Variants in TMEM132D observed in about 807,000 individuals in gnomAD.
TMEM132D encodes the protein transmembrane protein 132D.
A neutral mutation model predicts 62.3 loss-of-function variants in TMEM132D; 21 were observed. The ratio of observed to expected loss-of-function variants is 0.34; its 90% CI spans 0.24 to 0.49. TMEM132D has a LOEUF of 0.49. TMEM132D is among the 20% of genes least tolerant of loss of function. The pLI is 0.99. For synonymous variants in TMEM132D, 621 were observed against 575.6 expected, an observed-to-expected ratio of 1.08 and a Z score of -1.13; for missense variants, 1,346 against 1,402.8, an observed-to-expected ratio of 0.96 and a Z score of 0.65.
At position 129,121,083 on chromosome 12, in the gene TMEM132D, T is replaced by C. The variant is rs377530484; in HGVS notation, c.1444-36381A>G. Among the ~76,000 whole-genome samples, 353 of 151,444 alleles carry C rather than the reference T, an allele frequency of 2.3e-3. 2 individuals carry two copies. Among genetic ancestry groups the C allele is most frequent in the Non-Finnish European group, 3.4e-3 (229 of 67,784 alleles). ...GTTTACTAATCAGCTGATTTTATTT[T>C]ATTATTTTATTTTATTTATTTGTTT... On this transcript the variant is annotated intron_variant, in intron 5 of 8. Transcript: ENST00000422113.
chr12:129,496,980 G>A (rs192500396), intron 3 of TMEM132D, among the ~76,000 whole-genome samples: 1 of 152,316 alleles, frequency 6.6e-6, no homozygotes, highest in African/African-American at 2.4e-5. Context: ...AGGGCTGGAT[G>A]GGCTTGGGTT....
chr12:129,430,400 C>A (rs895449782), intron 3 of TMEM132D, among the ~76,000 whole-genome samples: 1 of 152,180 alleles, frequency 6.6e-6, no homozygotes, highest in African/African-American at 2.4e-5. Flanking sequence ...AGTGTCTGTT[C>A]ATATCCTTCG....
intron 3 of TMEM132D, among the ~76,000 whole-genome samples, chr12:129,370,189 C>T (rs1870550213): frequency 6.6e-6 from 1 of 152,204 alleles, no homozygotes; most frequent in Non-Finnish European, 1.5e-5. Flanking sequence ...ACCATGCAGG[C>T]CAAACAAACA....
rs1305354488 is a variant in TMEM132D, at chr12:129,244,410, C to CAAAAAAA, written c.1300-34748_1300-34747insTTTTTTT. On this transcript the variant is annotated intron_variant, in intron 4 of 8. Transcript: ENST00000422113. ...CAAAAAAAAAAAAAAAAAAAAAAAA[C>CAAAAAAA]AAACAAAAAGGAACAAGGTCTCTTA... Among the ~76,000 whole-genome samples the CAAAAAAA allele has an allele frequency of 8.2e-5, 10 of 122,326 alleles. No individual in the cohort carries two copies. In the East Asian group the frequency reaches 1.8e-3, roughly 22 times the overall value. 80.3% of individuals were successfully genotyped at this position (122,326 alleles called of 152,430 possible).
At chr12:129,319,026 C>T (rs987236290) in intron 4 of TMEM132D, among the ~76,000 whole-genome samples, 21 of 152,170 alleles carry the variant, frequency 1.4e-4, no homozygotes, top group African/African-American at 4.8e-4. Context: ...TGAAAACTTG[C>T]CCTGGGCTAC....
At chr12:129,672,058 G>C (rs751006645) in intron 2 of TMEM132D, among the ~76,000 whole-genome samples, 1 of 152,166 alleles carries the variant, frequency 6.6e-6, no homozygotes, top group Non-Finnish European at 1.5e-5. Flanking sequence ...TGCAAATAAG[G>C]TGGACAGTGG....
At chr12:129,424,737 T>C (rs74741861) in intron 3 of TMEM132D, among the ~76,000 whole-genome samples, 2 of 137,884 alleles carry the variant, frequency 1.5e-5, no homozygotes, top group African/African-American at 5.2e-5. Context: ...AAAAAAGACA[T>C]CTCAACACAC....
In TMEM132D at chr12:129,495,611, C is replaced by T. The variant is rs114041035; in HGVS notation, c.1115+35448G>A. Among the ~76,000 whole-genome samples the T allele has an allele frequency of 1.2e-3, 178 of 152,240 alleles. 2 individuals carry two copies. The highest frequency in any genetic ancestry group is 4.1e-3 in the African/African-American group (171 of 41,546). ...TGAGTGAGCTGACAGAAGGTGACCCCGAGTCACGTCCCTTTCTCCCTGAGC... is the reference window on the plus strand; with the variant it reads ...TGAGTGAGCTGACAGAAGGTGACCCTGAGTCACGTCCCTTTCTCCCTGAGC... On this transcript the variant is annotated intron_variant, in intron 3 of 8. Transcript: ENST00000422113.
chr12:129,151,870 G>A (rs986460511), intron 5 of TMEM132D, among the ~76,000 whole-genome samples: 16 of 146,186 alleles, frequency 1.1e-4, no homozygotes, highest in Non-Finnish European at 2.1e-4. Flanking sequence ...TGTGGACCAC[G>A]TGATTCAACC....
At chr12:129,175,449 T>C (rs755658030) in intron 5 of TMEM132D, among the ~76,000 whole-genome samples, 4 of 152,238 alleles carry the variant, frequency 2.6e-5, no homozygotes, top group Non-Finnish European at 5.9e-5. Flanking sequence ...GTATTACAAA[T>C]ATTTTAAGTG....
At chr12:129,664,336 T>C (rs949803090) in intron 2 of TMEM132D, among the ~76,000 whole-genome samples, 3 of 152,168 alleles carry the variant, frequency 2.0e-5, no homozygotes, top group Admixed American at 2.0e-4. Context: ...AGAACCAGAT[T>C]TGGTAGAAAA....
At chr12:129,744,441 G>C (rs1869709224) in intron 1 of TMEM132D, among the ~76,000 whole-genome samples, 1 of 152,202 alleles carries the variant, frequency 6.6e-6, no homozygotes, top group Non-Finnish European at 1.5e-5. Context: ...GGAGCAGACA[G>C]TCTGAAATGG....
chr12:129,431,557 C>A (rs751695579), intron 3 of TMEM132D, among the ~76,000 whole-genome samples: 1 of 152,174 alleles, frequency 6.6e-6, no homozygotes, highest in Non-Finnish European at 1.5e-5. Flanking sequence ...ATCACACCAG[C>A]GTTATCACTC....
chr12:129,574,556 G>A (rs77221720), intron 2 of TMEM132D, among the ~76,000 whole-genome samples: 1,608 of 151,992 alleles, frequency 0.011, 64 homozygotes, highest in Admixed American at 0.065. Flanking sequence ...TCACGTTTTC[G>A]TGTTTATTGA....
intron 6 of TMEM132D, among the ~76,000 whole-genome samples, chr12:129,083,612 G>T (rs1369385076): frequency 6.6e-6 from 1 of 152,176 alleles, no homozygotes; most frequent in Non-Finnish European, 1.5e-5. Flanking sequence ...GGGGCCATGG[G>T]ACCAAAGGAA....
intron 3 of TMEM132D, among the ~76,000 whole-genome samples, chr12:129,421,716 T>C (rs1157963761): frequency 1.3e-5 from 2 of 152,226 alleles, no homozygotes; most frequent in African/African-American, 2.4e-5. Context: ...CTGGATTTGT[T>C]TGTTAATGTT....
In TMEM132D at chr12:129,700,145, C is replaced by T. The variant is rs139105082; in HGVS notation, c.633G>A (p.Gly211=). 5.0e-6 allele frequency: 8 copies of T among 1,613,016 alleles called. No homozygotes were observed. Among genetic ancestry groups the T allele is most frequent in the Non-Finnish European group, 6.8e-6 (8 of 1,180,020 alleles). The change falls in exon 2 of 9, where the codon GGG becomes GGA. Residue 211 remains glycine, a synonymous_variant. Coordinates refer to ENST00000422113, the MANE Select transcript of TMEM132D (RefSeq NM_133448.3). ...SWFSPPTVVA[G]RRKSVDQPEG... ...CCGGCTGGTCCACGGACTTCCTCCT[C>T]CCGGCAACCACCGTGGGGGGGCTGA...
rs144222342 is a variant in TMEM132D at position 129,364,025 on chromosome 12, T to A, written c.1116-26208A>T. Among the ~76,000 whole-genome samples, 141 of 152,308 alleles carry A rather than the reference T, an allele frequency of 9.3e-4. 1 individual carries two copies. The highest frequency in any genetic ancestry group is 3.2e-3 in the African/African-American group (135 of 41,568). On this transcript the variant is annotated intron_variant, in intron 3 of 8. Transcript: ENST00000422113. ...CTTCTTTTATCTCAGGCTTCAAACA[T>A]CCATCTATTAACCTTAACAGTTCAT... is the stretch of plus-strand genomic sequence containing the variant.
intron 1 of TMEM132D, among the ~76,000 whole-genome samples, chr12:129,729,458 T>C (rs1413271684): frequency 2.0e-5 from 3 of 152,112 alleles, no homozygotes; most frequent in Non-Finnish European, 4.4e-5. Context: ...AATCAAAATG[T>C]CTCCAGACGT....
Sources: allele counts gnomAD v4.1 joint callset (sites outside exome capture counted in the v4.1 genomes callset), GRCh38; gene constraint gnomAD v4.1.1; transcripts MANE v1.5; gene names NCBI Gene and HGNC (gene_info 2026-07-23, HGNC 2026-07-21).